SLC25A42: variants seen among roughly 807,000 people sequenced by gnomAD.
The protein encoded by SLC25A42 is mitochondrial coenzyme A transporter SLC25A42.
A neutral mutation model predicts 34.7 loss-of-function variants in SLC25A42; 19 were observed. The observed-to-expected ratio is 0.55, with a 90% CI of 0.38 to 0.80. SLC25A42 has a LOEUF of 0.80. SLC25A42 is among the 30% of genes least tolerant of loss of function. SLC25A42 has a pLI of 0.00. For synonymous variants in SLC25A42, 205 were observed against 191.2 expected (o/e 1.07, Z -0.59); for missense variants, 364 against 441.3 (o/e 0.82, Z 1.57).
intron 3 of SLC25A42, among the ~76,000 whole-genome samples, chr19:19,103,885 CTTATTTAT>C (rs3040514): frequency 0.75 from 110,646 of 148,390 alleles, 41,827 homozygotes; most frequent in East Asian, 0.88. Context: ...AAGGGACAGC[CTTATTTAT>C]TTATTTATTT....
Position 19,106,576 on chromosome 19 carries a change from C to G in SLC25A42, c.497+191C>G, listed in dbSNP as rs181741408. The G allele has an allele frequency of 1.2e-5, 6 of 506,274 alleles. No individual in the cohort carries two copies. The East Asian group carries it at 2.1e-4, about 17-fold the overall frequency. 31.4% of individuals were successfully genotyped at this position (506,274 alleles called of 1,614,324 possible). A position where few individuals can be genotyped will look rare whatever the true frequency, so the allele number is the denominator to read the frequency against. On this transcript the variant is annotated intron_variant, in intron 6 of 7. Transcript: ENST00000318596. ...CAATTTGTTCTCTTAGCCTGGGGGT[C>G]ACTTTCTGCTTAGATCAAACCAAGG... is the stretch of plus-strand genomic sequence containing the variant.
chr19:19,110,636 C>T lies in SLC25A42; in HGVS notation c.717C>T (p.Ile239=), dbSNP rs775814532. ...RMIFGACAGL[I]GQSASYPLDV... Reference sequence around the variant, plus strand: ...TCTTCGGCGCCTGCGCTGGCCTCATCGGGCAGTCGGCCTCGTACCCGCTGG... The same window carrying T: ...TCTTCGGCGCCTGCGCTGGCCTCATTGGGCAGTCGGCCTCGTACCCGCTGG... The change falls in exon 8 of 8, where the codon ATC becomes ATT. Residue 239 remains isoleucine (I), a synonymous_variant. Coordinates refer to ENST00000318596, the MANE Select transcript of SLC25A42 (RefSeq NM_178526.5). The T allele has an allele frequency of 2.6e-6, 4 of 1,540,200 alleles. No individual in the cohort carries two copies. Among genetic ancestry groups the T allele is most frequent in the Admixed American group, 2.0e-5 (1 of 49,672 alleles).
At chr19:19,105,055 C>A in intron 4 of SLC25A42, 117 bp downstream of exon 4, 1 of 1,226,058 alleles carries the variant, frequency 8.2e-7, no homozygotes, top group Non-Finnish European at 1.2e-6. Context: ...GACTACCTGT[C>A]TTCCCATTCC....
chr19:19,104,608 G>A (rs936272334), intron 3 of SLC25A42, among the ~76,000 whole-genome samples: 1 of 152,208 alleles, frequency 6.6e-6, no homozygotes, highest in African/African-American at 2.4e-5. Context: ...TTCTGAGAGA[G>A]CCAGGGCTTC....
At chr19:19,078,555 C>T (rs576738123) in intron 1 of SLC25A42, among the ~76,000 whole-genome samples, 3 of 152,288 alleles carry the variant, frequency 2.0e-5, no homozygotes, top group South Asian at 2.1e-4. Flanking sequence ...GGTGTGCCTC[C>T]GCAGAGCATG....
chr19:19,105,708 T>G lies in SLC25A42; in HGVS notation c.361T>G (p.Tyr121Asp). ...GGAGTACAAGCGCATCCTGGGCAGC[T>G]ACTATGGCTTCCGTGGAGAGTGAGG... ...HEEYKRILGS[Y>D]YGFRGEALPP... is the part of the protein sequence containing the mutation. The change falls in exon 5 of 8, where the codon TAC becomes GAC. Residue 121 changes from tyrosine (Y) to aspartate (D), a missense_variant. Tyr to Asp is a radical substitution (Grantham distance 160). Transcript: ENST00000318596. 6.3e-7 allele frequency: 1 copy of G among 1,594,854 alleles called. No homozygotes were observed. Among genetic ancestry groups the G allele is most frequent in the Non-Finnish European group, 8.6e-7 (1 of 1,168,712 alleles).
At position 19,105,734 on chromosome 19, in the gene SLC25A42, C is replaced by G; in HGVS notation, c.380+7C>G. The stretch of plus-strand genomic sequence containing the variant: ...ACTATGGCTTCCGTGGAGAGTGAGG[C>G]CCCGCCCCGCCCTGCCACAGAATCG... On this transcript the variant is annotated splice_region_variant and intron_variant, in intron 5 of 7. Transcript: ENST00000318596. 1 of 1,532,716 alleles carries G rather than the reference C, an allele frequency of 6.5e-7. No individual in the cohort carries two copies. The highest frequency in any genetic ancestry group is 8.8e-7 in the Non-Finnish European group (1 of 1,133,604). The allele number at this position is 1,532,716 out of a possible 1,614,324, so 94.9% of individuals were successfully genotyped here.
rs1327564569 is a variant in SLC25A42, at chr19:19,105,333, G to C, written c.214-228G>C. ...TTGCAGTCCCCAAGAGAACTTGGTG[G>C]GGTGGGAGGCCCAGAAAACATAGGG... On this transcript the variant is annotated intron_variant, in intron 4 of 7. Transcript: ENST00000318596. 7 of 599,042 alleles carry C rather than the reference G, an allele frequency of 1.2e-5. No individual in the cohort carries two copies. The East Asian group carries it at 2.0e-4, about 17-fold the overall frequency. The allele number at this position is 599,042 out of a possible 1,614,324, so 37.1% of individuals were successfully genotyped here. A position where few individuals can be genotyped will look rare whatever the true frequency, so the allele number is the denominator to read the frequency against.
intron 3 of SLC25A42, 100 bp from the exon 4 acceptor site, chr19:19,104,813 A>T: frequency 7.4e-7 from 1 of 1,349,356 alleles, no homozygotes; most frequent in Non-Finnish European, 1.1e-6. Flanking sequence ...TGGGGGGAAA[A>T]GGAGGGTGAC....
intron 5 of SLC25A42, chr19:19,105,961 G>A (rs2059825074): frequency 1.8e-6 from 1 of 563,102 alleles, no homozygotes; most frequent in Non-Finnish European, 3.1e-6. Flanking sequence ...TTTGTCTCCA[G>A]ACGTTTCTCC....
Position 19,110,662 on chromosome 19 carries a change from A to T in SLC25A42, c.743A>T (p.Asp248Val), listed in dbSNP as rs1270839683. Residue 248 changes from aspartate to valine, a missense_variant, in exon 8 of 8, where the codon GAT (aspartate) becomes GTT (valine). Physicochemically the swap from Asp to Val is radical, Grantham distance 152. Coordinates refer to ENST00000318596, the MANE Select transcript of SLC25A42 (RefSeq NM_178526.5). ...GGGCAGTCGGCCTCGTACCCGCTGGATGTGGTGCGGCGGCGCATGCAGACG... is the reference window on the plus strand; with the variant it reads ...GGGCAGTCGGCCTCGTACCCGCTGGTTGTGGTGCGGCGGCGCATGCAGACG... Reference protein sequence around the residue: ...LIGQSASYPLDVVRRRMQTAG... With the variant: ...LIGQSASYPLVVVRRRMQTAG... 1.9e-6 allele frequency: 3 copies of T among 1,559,880 alleles called. No individual in the cohort carries two copies. The African/African-American group carries it at 4.1e-5, about 21-fold the overall frequency.
intron 2 of SLC25A42, among the ~76,000 whole-genome samples, chr19:19,096,933 T>C (rs988656431): frequency 6.6e-6 from 1 of 151,640 alleles, no homozygotes; most frequent in African/African-American, 2.4e-5. Flanking sequence ...TGAAACCCTG[T>C]CTCAAAAACA....
chr19:19,070,925 C>T (rs2059626909), intron 1 of SLC25A42, among the ~76,000 whole-genome samples: 1 of 152,044 alleles, frequency 6.6e-6, no homozygotes, highest in African/African-American at 2.4e-5. Flanking sequence ...CACCTGTCTC[C>T]CTCGGAAGGT....
intron 1 of SLC25A42, among the ~76,000 whole-genome samples, chr19:19,064,910 A>G (rs1197066107): frequency 1.3e-5 from 2 of 152,128 alleles, no homozygotes; most frequent in African/African-American, 4.8e-5. Flanking sequence ...GACAGTCTAT[A>G]AAGTGATTTC....
At chr19:19,094,592 A>G (rs2059754993) in intron 1 of SLC25A42, among the ~76,000 whole-genome samples, 1 of 152,166 alleles carries the variant, frequency 6.6e-6, no homozygotes, top group African/African-American at 2.4e-5. Flanking sequence ...CCATGGGTCC[A>G]TGTTCACTAG....
At chr19:19,075,456 G>T (rs190392564) in intron 1 of SLC25A42, among the ~76,000 whole-genome samples, 1 of 152,322 alleles carries the variant, frequency 6.6e-6, no homozygotes, top group African/African-American at 2.4e-5. Context: ...CTGCCTGGCC[G>T]CTGGTAGTCA....
In SLC25A42 at chr19:19,092,300, G is replaced by A. The variant is rs563581155; in HGVS notation, c.-34-3791G>A. Among the ~76,000 whole-genome samples the A allele has an allele frequency of 5.3e-5, 8 of 152,316 alleles. No individual in the cohort carries two copies. In the East Asian group the frequency reaches 1.5e-3, roughly 29 times the overall value. On this transcript the variant is annotated intron_variant, in intron 1 of 7. Coordinates refer to ENST00000318596, the MANE Select transcript of SLC25A42 (RefSeq NM_178526.5). Reference sequence around the variant, plus strand: ...CAGGGTGTATCTTTCAGGGGCCATCGTTCCACCCCCTCCAGTTACGTCCCC... The same window carrying A: ...CAGGGTGTATCTTTCAGGGGCCATCATTCCACCCCCTCCAGTTACGTCCCC...
At chr19:19,068,476 A>G (rs923798560) in intron 1 of SLC25A42, among the ~76,000 whole-genome samples, 4 of 151,916 alleles carry the variant, frequency 2.6e-5, no homozygotes, top group Non-Finnish European at 4.4e-5. Context: ...AGACCAGCCT[A>G]GCCAACATGG....
At chr19:19,085,341 A>G (rs925167989) in intron 1 of SLC25A42, among the ~76,000 whole-genome samples, 4 of 151,642 alleles carry the variant, frequency 2.6e-5, no homozygotes, top group African/African-American at 9.7e-5. Flanking sequence ...AGGATTCCAG[A>G]GCACAGGGGC....
Sources: allele counts gnomAD v4.1 joint callset (sites outside exome capture counted in the v4.1 genomes callset), GRCh38; gene constraint gnomAD v4.1.1; transcripts MANE v1.5; gene names NCBI Gene and HGNC (gene_info 2026-07-23, HGNC 2026-07-21).